Variants in SHANK2 observed in about 807,000 individuals in gnomAD.
SHANK2 encodes the protein SH3 and multiple ankyrin repeat domains 2.
A neutral mutation model predicts 133.7 loss-of-function variants in SHANK2; 43 were observed. That is an observed-to-expected ratio of 0.32 (90% CI 0.25 to 0.41). The LOEUF (loss-of-function observed/expected upper bound fraction) is 0.41. SHANK2 is among the 10% of genes least tolerant of loss of function. The probability of loss-of-function intolerance (pLI) is 1.00; values close to 1 mark genes in which losing one functional copy is unlikely to be tolerated. For missense variants in SHANK2, 1,994 were observed against 2,235.8 expected (o/e 0.89, Z 2.18); for synonymous variants, 1,017 against 952.8 (o/e 1.07, Z -1.24).
chr11:71,072,519 C>G (rs1381221340), intron 9 of SHANK2, among the ~76,000 whole-genome samples: 7 of 152,194 alleles, frequency 4.6e-5, no homozygotes, highest in Non-Finnish European at 8.8e-5. Flanking sequence ...TTTTTCACAT[C>G]AAGGTTCCAC....
At chr11:70,776,626 A>T (rs1947369259) in intron 14 of SHANK2, among the ~76,000 whole-genome samples, 1 of 152,128 alleles carries the variant, frequency 6.6e-6, no homozygotes, top group African/African-American at 2.4e-5. Flanking sequence ...TGTGTATGAA[A>T]GGTAGAGTGA....
chr11:70,752,767 A>G (rs546481362), intron 14 of SHANK2, among the ~76,000 whole-genome samples: 16 of 152,164 alleles, frequency 1.1e-4, no homozygotes, highest in African/African-American at 3.6e-4. Context: ...CCTAACCAGT[A>G]TAATAATACC....
intron 6 of SHANK2, among the ~76,000 whole-genome samples, chr11:71,102,327 T>C (rs539024983): frequency 1.3e-5 from 2 of 152,160 alleles, no homozygotes; most frequent in African/African-American, 4.8e-5. Context: ...AGGTACCAGA[T>C]GGTCGCCTGC....
intron 14 of SHANK2, among the ~76,000 whole-genome samples, chr11:70,788,969 T>C (rs1369204868): frequency 6.6e-6 from 1 of 152,138 alleles, no homozygotes; most frequent in Non-Finnish European, 1.5e-5. Flanking sequence ...CCATTAGTCC[T>C]TGGGGTGTGG....
At chr11:70,687,453 T>C (rs1945180209) in intron 15 of SHANK2, among the ~76,000 whole-genome samples, 1 of 152,206 alleles carries the variant, frequency 6.6e-6, no homozygotes, top group Non-Finnish European at 1.5e-5. Flanking sequence ...TGGGCGCCTC[T>C]TTCCAGCTTG....
chr11:70,510,395 C>T (rs914756859), intron 17 of SHANK2, among the ~76,000 whole-genome samples: 3 of 152,208 alleles, frequency 2.0e-5, no homozygotes, highest in African/African-American at 7.2e-5. Flanking sequence ...CACAGCCCTC[C>T]CGCGCTCATG....
intron 8 of SHANK2, among the ~76,000 whole-genome samples, chr11:71,085,241 G>A (rs1951361861): frequency 6.6e-6 from 1 of 151,780 alleles, no homozygotes; most frequent in Non-Finnish European, 1.5e-5. Context: ...CAGATCACTT[G>A]AGGTCAGGAG....
intron 10 of SHANK2, among the ~76,000 whole-genome samples, chr11:70,954,054 C>G (rs1361605013): frequency 6.6e-6 from 1 of 152,204 alleles, no homozygotes; most frequent in Non-Finnish European, 1.5e-5. Context: ...ATGCAGACAG[C>G]AGCACAACAG....
intron 17 of SHANK2, among the ~76,000 whole-genome samples, chr11:70,645,867 C>T (rs555074406): frequency 1.2e-4 from 18 of 152,090 alleles, no homozygotes; most frequent in Admixed American, 9.8e-4. Flanking sequence ...ACTCTGGAGC[C>T]GGAGCCAGAC....
At chr11:71,074,195 C>G (rs1951188430) in intron 9 of SHANK2, among the ~76,000 whole-genome samples, 1 of 152,286 alleles carries the variant, frequency 6.6e-6, no homozygotes, top group Admixed American at 6.5e-5. Flanking sequence ...TTCCCGGTGC[C>G]CCCCAGGGTC....
At chr11:70,564,343 C>T (rs2059942900) in intron 17 of SHANK2, among the ~76,000 whole-genome samples, 1 of 151,900 alleles carries the variant, frequency 6.6e-6, no homozygotes, top group South Asian at 2.1e-4. Flanking sequence ...ATTGCAACCT[C>T]CGCCTCCTGG....
intron 17 of SHANK2, among the ~76,000 whole-genome samples, chr11:70,573,169 T>A (rs1055290664): frequency 6.7e-6 from 1 of 150,058 alleles, no homozygotes. Flanking sequence ...TTTTATGTGA[T>A]GTTCTAGAGG....
At chr11:70,590,325 T>C (rs1554987744) in intron 17 of SHANK2, among the ~76,000 whole-genome samples, 1 of 152,202 alleles carries the variant, frequency 6.6e-6, no homozygotes, top group East Asian at 1.9e-4. Flanking sequence ...GCTGTGAACA[T>C]TGTTAAAATG....
intron 8 of SHANK2, among the ~76,000 whole-genome samples, chr11:71,087,545 G>A (rs1376467678): frequency 2.6e-5 from 4 of 152,196 alleles, no homozygotes; most frequent in African/African-American, 4.8e-5. Context: ...CTAAAGGGAA[G>A]ACATGTCTGG....
At chr11:70,719,784 G>A (rs1428663369) in intron 14 of SHANK2, among the ~76,000 whole-genome samples, 4 of 151,284 alleles carry the variant, frequency 2.6e-5, no homozygotes, top group Admixed American at 2.0e-4. Context: ...GGCAGCACAC[G>A]AGATCCTCTT....
chr11:71,132,723 G>A (rs753930130), intron 3 of SHANK2, among the ~76,000 whole-genome samples: 1 of 152,092 alleles, frequency 6.6e-6, no homozygotes, highest in African/African-American at 2.4e-5. Flanking sequence ...CTTTATCGAG[G>A]ATGCCCTGTG....
chr11:70,641,059 ATT>A (rs34899609), intron 17 of SHANK2, among the ~76,000 whole-genome samples: 5 of 148,658 alleles, frequency 3.4e-5, no homozygotes, highest in Non-Finnish European at 6.0e-5. Context: ...AATTCTAAGT[ATT>A]TTTTTTTTCT....
intron 20 of SHANK2, among the ~76,000 whole-genome samples, chr11:70,501,324 G>A (rs973825404): frequency 3.3e-5 from 5 of 152,234 alleles, no homozygotes; most frequent in Admixed American, 6.5e-5. Context: ...GACTCCTCTC[G>A]GGAAAGCTGC....
At chr11:71,196,618 G>A (rs192243097) in intron 2 of SHANK2, among the ~76,000 whole-genome samples, 10 of 152,002 alleles carry the variant, frequency 6.6e-5, no homozygotes, top group Admixed American at 3.3e-4. Flanking sequence ...AAGGGAGAGA[G>A]ACTAGCAAGG....
Sources: gnomAD v4.1 joint callset for allele counts (sites outside exome capture counted in the v4.1 genomes callset) on GRCh38, gnomAD v4.1.1 for gene constraint, MANE v1.5 for transcripts, NCBI Gene and HGNC (gene_info 2026-07-23, HGNC 2026-07-21) for gene names.